GLIS3: variants seen among roughly 807,000 people sequenced by gnomAD.
The protein encoded by GLIS3 is GLIS family zinc finger 3, also known as zinc finger protein GLIS3.
Under a neutral mutation model 78.6 loss-of-function variants are expected in GLIS3, and 53 were observed. The observed-to-expected ratio is 0.67, with a 90% CI of 0.54 to 0.85. The LOEUF (loss-of-function observed/expected upper bound fraction) is 0.85, where lower values mean the gene tolerates loss of function less well. Among genes scored for constraint, GLIS3 ranks in the 40% least tolerant of loss-of-function variants. The probability of loss-of-function intolerance (pLI) is 0.00; values close to 1 mark genes in which losing one functional copy is unlikely to be tolerated. For synonymous variants in GLIS3, 684 were observed against 509.9 expected, an observed-to-expected ratio of 1.34 and a Z score of -4.60; for missense variants, 1,703 against 1,231.1, an observed-to-expected ratio of 1.38 and a Z score of -5.74.
intron 2 of GLIS3, among the ~76,000 whole-genome samples, chr9:4,132,296 T>C (rs751645706): frequency 7.2e-5 from 11 of 152,178 alleles, no homozygotes; most frequent in Non-Finnish European, 1.5e-4. Context: ...TGTATGCTAG[T>C]AGGGAATGCA....
intron 7 of GLIS3, among the ~76,000 whole-genome samples, chr9:3,887,691 T>C (rs1822173028): frequency 6.6e-6 from 1 of 152,208 alleles, no homozygotes; most frequent in Non-Finnish European, 1.5e-5. Context: ...TACCCTGCAA[T>C]ACAACTAGAA....
At chr9:4,061,950 C>T (rs1826690326) in intron 4 of GLIS3, among the ~76,000 whole-genome samples, 1 of 152,104 alleles carries the variant, frequency 6.6e-6, no homozygotes, top group African/African-American at 2.4e-5. Context: ...AGTCACATGG[C>T]AAAAGGGAGC....
chr9:4,053,661 C>T (rs980513626), intron 4 of GLIS3, among the ~76,000 whole-genome samples: 1 of 132,188 alleles, frequency 7.6e-6, no homozygotes, highest in Non-Finnish European at 1.6e-5. Context: ...AGCTACAAGA[C>T]AGAGGAAGAG....
At chr9:4,212,421 C>G (rs1001763780) in intron 2 of GLIS3, among the ~76,000 whole-genome samples, 3 of 152,162 alleles carry the variant, frequency 2.0e-5, no homozygotes, top group African/African-American at 7.2e-5. Flanking sequence ...AGGCACTGTG[C>G]TGGATACTTA....
rs768977643 is a variant in GLIS3, at chr9:3,856,107, G to C, written c.2375C>G (p.Thr792Arg). The C allele has an allele frequency of 5.6e-6, 9 of 1,614,202 alleles. No homozygotes were observed. Among genetic ancestry groups the C allele is most frequent in the Non-Finnish European group, 7.6e-6 (9 of 1,180,024 alleles). ...VPAPSSILQR[T>R]QPPYTQQPSG... ...TGGCTGCTGGGTATAGGGAGGCTGTGTTCTTTGCAGTATTGAAGAAGGAGC... is the reference window on the plus strand; with the variant it reads ...TGGCTGCTGGGTATAGGGAGGCTGTCTTCTTTGCAGTATTGAAGAAGGAGC... The change falls in exon 9 of 11, where the codon ACA (threonine) becomes AGA (arginine). Residue 792 changes from threonine to arginine, a missense_variant. By Grantham distance (71) the Thr-to-Arg change is moderately conservative (BLOSUM62 -1). Coordinates refer to ENST00000381971, the MANE Select transcript of GLIS3 (RefSeq NM_001042413.2).
At chr9:4,274,548 T>C (rs536970773) in intron 2 of GLIS3, among the ~76,000 whole-genome samples, 6 of 152,116 alleles carry the variant, frequency 3.9e-5, no homozygotes, top group Non-Finnish European at 7.4e-5. Context: ...GCAATGAATA[T>C]TGGGTGGAAG....
intron 2 of GLIS3, among the ~76,000 whole-genome samples, chr9:4,267,006 C>T (rs981790341): frequency 1.3e-5 from 2 of 152,212 alleles, no homozygotes; most frequent in African/African-American, 4.8e-5. Context: ...TCAATTCTTT[C>T]CTAAAAATCA....
chr9:3,908,706 G>GTTTTGTT (rs1823893182), intron 6 of GLIS3, among the ~76,000 whole-genome samples: 6 of 85,554 alleles, frequency 7.0e-5, no homozygotes, highest in African/African-American at 3.2e-4. Context: ...ATTTGTATTT[G>GTTTTGTT]TTTTTTTTTT....
At chr9:4,215,487 AT>A (rs1187948348) in intron 2 of GLIS3, among the ~76,000 whole-genome samples, 1 of 152,158 alleles carries the variant, frequency 6.6e-6, no homozygotes, top group Admixed American at 6.5e-5. Flanking sequence ...AAGGAAAAAA[AT>A]CTGTTTGGTC....
At chr9:4,146,578 G>T (rs1156958245) in intron 2 of GLIS3, among the ~76,000 whole-genome samples, 3 of 152,076 alleles carry the variant, frequency 2.0e-5, no homozygotes, top group Non-Finnish European at 2.9e-5. Flanking sequence ...AAATACATAA[G>T]ATTGAAAAGA....
At chr9:4,005,016 G>A (rs949916489) in intron 4 of GLIS3, among the ~76,000 whole-genome samples, 2 of 152,142 alleles carry the variant, frequency 1.3e-5, no homozygotes, top group Non-Finnish European at 2.9e-5. Context: ...AGGAATCTAG[G>A]CCCCTGAATC....
At chr9:4,365,179 G>A in the GLIS3 span, among the ~76,000 whole-genome samples, 6 of 152,114 alleles carry the variant, frequency 3.9e-5, no homozygotes, top group Non-Finnish European at 5.9e-5. Flanking sequence ...TGTGTGGGTG[G>A]AGAAAGGTAG....
chr9:4,130,627 A>G (rs564214293), intron 2 of GLIS3, among the ~76,000 whole-genome samples: 97 of 152,336 alleles, frequency 6.4e-4, no homozygotes, highest in African/African-American at 2.3e-3. Context: ...ACGAAATGCA[A>G]GAGTTGAGGC....
At chr9:4,140,583 G>C (rs1178287649) in intron 2 of GLIS3, among the ~76,000 whole-genome samples, 2 of 152,078 alleles carry the variant, frequency 1.3e-5, no homozygotes, top group South Asian at 2.1e-4. Flanking sequence ...AAAGTACCCA[G>C]CTTCCTCCCA....
At chr9:4,402,501 G>T in the GLIS3 span, among the ~76,000 whole-genome samples, 1 of 152,162 alleles carries the variant, frequency 6.6e-6, no homozygotes, top group Non-Finnish European at 1.5e-5. Context: ...GAACAATCCT[G>T]GAGAAATGGA....
chr9:4,160,506 T>G (rs1258737333), intron 2 of GLIS3, among the ~76,000 whole-genome samples: 1 of 152,202 alleles, frequency 6.6e-6, no homozygotes, highest in Non-Finnish European at 1.5e-5. Flanking sequence ...CAAAGCAAAG[T>G]GACATGCGAT....
At chr9:3,863,059 G>C (rs1000908677) in intron 8 of GLIS3, among the ~76,000 whole-genome samples, 2 of 151,996 alleles carry the variant, frequency 1.3e-5, no homozygotes, top group African/African-American at 4.8e-5. Flanking sequence ...AACTTAAAAA[G>C]AAAAGCCCAG....
intron 4 of GLIS3, among the ~76,000 whole-genome samples, chr9:4,034,221 CAA>C (rs1029017849): frequency 6.6e-6 from 1 of 150,938 alleles, no homozygotes; most frequent in Non-Finnish European, 1.5e-5. Flanking sequence ...CACCTTGTCT[CAA>C]AAAAAAGTCG....
the GLIS3 span, among the ~76,000 whole-genome samples, chr9:4,467,672 G>A: frequency 1.3e-5 from 2 of 152,276 alleles, no homozygotes; most frequent in South Asian, 4.1e-4. Context: ...AAACCACAAA[G>A]ATGGGGAGAA....
Sources: gnomAD v4.1 joint callset for allele counts (sites outside exome capture counted in the v4.1 genomes callset) on GRCh38, gnomAD v4.1.1 for gene constraint, MANE v1.5 for transcripts, NCBI Gene and HGNC (gene_info 2026-07-23, HGNC 2026-07-21) for gene names.